Variants in AOPEP observed in about 807,000 individuals in gnomAD.
The protein encoded by AOPEP is aminopeptidase O.
A neutral mutation model predicts 98.1 loss-of-function variants in AOPEP; 77 were observed. That is an observed-to-expected ratio of 0.78 (90% CI 0.65 to 0.95). AOPEP has a LOEUF of 0.95. Among genes scored for constraint, AOPEP ranks in the 40% least tolerant of loss-of-function variants. The probability of loss-of-function intolerance (pLI) is 0.00; values close to 1 mark genes in which losing one functional copy is unlikely to be tolerated. For missense variants in AOPEP, 1,024 were observed against 1,024.7 expected (o/e 1.00, Z 0.01); for synonymous variants, 346 against 365.3 (o/e 0.95, Z 0.60).
Position 95,001,418 on chromosome 9 carries a change from T to C in AOPEP, c.1978-3740T>C, listed in dbSNP as rs72750380. On this transcript the variant is annotated intron_variant, in intron 11 of 16. Transcript: ENST00000375315. ...AGATACAATTCAGATAGAAAACATC[T>C]GTTTTAAGAGACAGCTTTAAAGTGC... is the stretch of plus-strand genomic sequence containing the variant. 5.2e-3 allele frequency among the ~76,000 whole-genome samples: 795 copies of C among 152,332 alleles called. 14 individuals carry two copies. Among genetic ancestry groups the C allele is most frequent in the South Asian group, 0.042 (205 of 4,830 alleles).
chr9:94,726,868 T>A (rs1447002692), intron 1 of AOPEP, 117 bp downstream of exon 1: 1 of 152,410 alleles, frequency 6.6e-6, no homozygotes, highest in East Asian at 1.9e-4. Context: ...TACCCTCACT[T>A]TTGCTCGACC....
At chr9:95,115,607 A>G in the AOPEP span, among the ~76,000 whole-genome samples, 1 of 152,350 alleles carries the variant, frequency 6.6e-6, no homozygotes, top group East Asian at 1.9e-4. Flanking sequence ...ACAGCTGAGC[A>G]GCACGTATCT....
At chr9:95,009,137 A>G (rs891584324) in intron 13 of AOPEP, among the ~76,000 whole-genome samples, 6 of 152,142 alleles carry the variant, frequency 3.9e-5, no homozygotes, top group Admixed American at 3.9e-4. Flanking sequence ...GCAACAGTGG[A>G]TTTTATGTGT....
intron 4 of AOPEP, among the ~76,000 whole-genome samples, chr9:94,796,999 T>C (rs1847095407): frequency 6.6e-6 from 1 of 152,118 alleles, no homozygotes; most frequent in African/African-American, 2.4e-5. Context: ...AGAAAACACA[T>C]TGAGACTGAT....
At chr9:95,094,980 C>T in the AOPEP span, among the ~76,000 whole-genome samples, 1 of 152,228 alleles carries the variant, frequency 6.6e-6, no homozygotes, top group African/African-American at 2.4e-5. Flanking sequence ...ACACACAGAC[C>T]ACGTTTCCTT....
chr9:94,924,166 A>C lies in AOPEP; in HGVS notation c.1545A>C (p.Thr515=). Residue 515 remains threonine, a synonymous_variant, in exon 6 of 17, where the codon ACA becomes ACC. Coordinates refer to ENST00000375315, the MANE Select transcript of AOPEP (RefSeq NM_001193329.3). ...ACTTGGAGGATGTGTTTTGGGCCAC[A>C]GCACAGCAGGTGGGTTAAAGTGACC... The part of the protein sequence containing the change: ...ATHLEDVFWA[T]AQQLAPYEAR... 7.1e-7 allele frequency: 1 copy of C among 1,412,162 alleles called. No individual in the cohort carries two copies. The highest frequency in any genetic ancestry group is 9.3e-7 in the Non-Finnish European group (1 of 1,073,864). The allele number at this position is 1,412,162 out of a possible 1,614,324, so 87.5% of individuals were successfully genotyped here. A position where few individuals can be genotyped will look rare whatever the true frequency, so the allele number is the denominator to read the frequency against.
chr9:94,782,441 T>G (rs955357331), intron 3 of AOPEP, among the ~76,000 whole-genome samples: 1 of 152,200 alleles, frequency 6.6e-6, no homozygotes, highest in Non-Finnish European at 1.5e-5. Context: ...GCCTGCCCAA[T>G]AGACTAGCTC....
At chr9:94,806,662 G>A (rs1353051532) in intron 5 of AOPEP, among the ~76,000 whole-genome samples, 3 of 152,078 alleles carry the variant, frequency 2.0e-5, no homozygotes, top group African/African-American at 7.2e-5. Context: ...TATGTTATAG[G>A]TAGGGGCTTT....
intron 11 of AOPEP, among the ~76,000 whole-genome samples, chr9:94,997,412 C>T (rs2061310957): frequency 6.6e-6 from 1 of 152,186 alleles, no homozygotes; most frequent in East Asian, 1.9e-4. Context: ...ATTTAGATGT[C>T]TCCCAAGCAT....
At chr9:95,027,066 G>A (rs1248120717) in intron 13 of AOPEP, among the ~76,000 whole-genome samples, 1 of 152,080 alleles carries the variant, frequency 6.6e-6, no homozygotes, top group Non-Finnish European at 1.5e-5. Flanking sequence ...TTCGAGACCA[G>A]CCTGGGCAAC....
intron 13 of AOPEP, among the ~76,000 whole-genome samples, chr9:95,059,397 T>A (rs2067120629): frequency 6.6e-6 from 1 of 152,178 alleles, no homozygotes; most frequent in Non-Finnish European, 1.5e-5. Flanking sequence ...GGGGGCTTTC[T>A]TAGAACTTAG....
chr9:95,103,654 G>T, the AOPEP span, among the ~76,000 whole-genome samples: 2 of 152,228 alleles, frequency 1.3e-5, no homozygotes, highest in Non-Finnish European at 2.9e-5. Flanking sequence ...CCGCAGGGAC[G>T]TTGGGCAGGG....
intron 14 of AOPEP, among the ~76,000 whole-genome samples, chr9:95,072,182 G>A (rs2068581648): frequency 6.6e-6 from 1 of 152,230 alleles, no homozygotes. Flanking sequence ...CCCATTGCCT[G>A]TTCTTGTAAA....
rs56339551 is a variant in AOPEP at position 94,838,498 on chromosome 9, T to A, written c.1364+37496T>A. Among the ~76,000 whole-genome samples the A allele has an allele frequency of 6.6e-3, 1,007 of 152,366 alleles. 8 individuals carry two copies. Among genetic ancestry groups the A allele is most frequent in the African/African-American group, 0.023 (969 of 41,570 alleles). On this transcript the variant is annotated intron_variant, in intron 5 of 16. Coordinates refer to ENST00000375315, the MANE Select transcript of AOPEP (RefSeq NM_001193329.3). Reference sequence around the variant, plus strand: ...ATCTGATTTGATCACTGAAGCTTTCTAGTAAATCTCAATATTGGCTGATTT... The same window carrying A: ...ATCTGATTTGATCACTGAAGCTTTCAAGTAAATCTCAATATTGGCTGATTT...
chr9:94,743,184 A>AGAG (rs775116322), intron 1 of AOPEP, among the ~76,000 whole-genome samples: 2 of 66,852 alleles, frequency 3.0e-5, no homozygotes, highest in African/African-American at 1.1e-4. Context: ...AAGAAGAAGA[A>AGAG]GAAGAAGAAG....
chr9:94,759,983 A>C lies in AOPEP; in HGVS notation c.200A>C (p.Glu67Ala). ...TCTATTGAGGAAGCCTGCCAATCAG[A>C]ATCAAACAAAGCCTGCAAATTTGGG... ...NSSIEEACQS[E>A]SNKACKFGMP... is the part of the protein sequence containing the mutation. The change falls in exon 2 of 17, where the codon GAA (glutamate) becomes GCA (alanine). Residue 67 changes from glutamate (E) to alanine (A), a missense_variant. Physicochemically the swap from Glu to Ala is moderately radical, Grantham distance 107. Transcript: ENST00000375315. 6.2e-7 allele frequency: 1 copy of C among 1,614,218 alleles called. No homozygotes were observed. Among genetic ancestry groups the C allele is most frequent in the Non-Finnish European group, 8.5e-7 (1 of 1,180,028 alleles).
chr9:95,114,784 G>C, the AOPEP span: 1 of 1,255,700 alleles, frequency 8.0e-7, no homozygotes. Context: ...CTGCAGGGAT[G>C]ACCTGAAGAG....
At chr9:95,113,842 T>TC in the AOPEP span, 1 of 152,416 alleles carries the variant, frequency 6.6e-6, no homozygotes, top group Admixed American at 6.5e-5. Context: ...CAGGATGGTC[T>TC]CGATCTCCTG....
At chr9:94,798,724 T>C (rs1230128093) in intron 4 of AOPEP, among the ~76,000 whole-genome samples, 2 of 152,204 alleles carry the variant, frequency 1.3e-5, no homozygotes, top group Non-Finnish European at 2.9e-5. Context: ...GAACTGAAAT[T>C]ACTGTAGCAC....
Sources: gnomAD v4.1 joint callset for allele counts (sites outside exome capture counted in the v4.1 genomes callset) on GRCh38, gnomAD v4.1.1 for gene constraint, MANE v1.5 for transcripts, NCBI Gene and HGNC (gene_info 2026-07-23, HGNC 2026-07-21) for gene names.